Variants in AMT observed in about 807,000 individuals in gnomAD.
AMT encodes aminomethyltransferase.
Under a neutral mutation model 39.5 loss-of-function variants are expected in AMT, and 24 were observed. The ratio of observed to expected loss-of-function variants is 0.61; its 90% CI spans 0.44 to 0.86. The LOEUF is 0.86. AMT is among the 40% of genes least tolerant of loss of function. The pLI, the probability that AMT is intolerant of heterozygous loss-of-function variation, is 0.00. For missense variants in AMT, 501 were observed against 537.0 expected, an observed-to-expected ratio of 0.93 and a Z score of 0.66; for synonymous variants, 210 against 212.1, an observed-to-expected ratio of 0.99 and a Z score of 0.09.
In AMT at chr3:49,419,154, G is replaced by A. The variant is rs373703503; in HGVS notation, c.697-3C>T. Reference sequence around the variant, plus strand: ...GCCCCCGCTACCGGCACCGAGATCTGTATGAAACACCAGAGGGCAGATGGG... The same window carrying A: ...GCCCCCGCTACCGGCACCGAGATCTATATGAAACACCAGAGGGCAGATGGG... On this transcript the variant is annotated splice_polypyrimidine_tract_variant and splice_region_variant and intron_variant, in intron 6 of 8. Transcript: ENST00000273588. 2.7e-4 allele frequency: 431 copies of A among 1,613,606 alleles called. No homozygotes were observed. Among genetic ancestry groups the A allele is most frequent in the Non-Finnish European group, 2.9e-4 (343 of 1,179,904 alleles).
chr3:49,419,260 C>G lies in AMT; in HGVS notation c.696G>C (p.Glu232Asp), dbSNP rs1352631535. 1.2e-6 allele frequency: 2 copies of G among 1,614,010 alleles called. No homozygotes were observed. Residue 232 changes from glutamate (E) to aspartate (D), a missense_variant and splice_region_variant, in exon 6 of 9, where the codon GAG (glutamate) becomes GAC (aspartate). Coordinates refer to ENST00000273588, the MANE Select transcript of AMT (RefSeq NM_000481.4). ...GCCCCCACACCACTTCTTGACACAC[C>G]TCCACACCATCCTCTCCTGTGTAGC... is the stretch of plus-strand genomic sequence containing the variant. ...RCGYTGEDGVEISVPVAGAVH... is the reference protein window; with the variant it reads ...RCGYTGEDGVDISVPVAGAVH...
chr3:49,419,870 G>T, intron 4 of AMT, 82 bp from the exon 5 acceptor site: 1 of 1,319,712 alleles, frequency 7.6e-7, no homozygotes, highest in Non-Finnish European at 1.1e-6. Flanking sequence ...CTGGACAGTA[G>T]TAGGACAGTG....
intron 7 of AMT, 151 bp downstream of exon 7, chr3:49,418,820 T>C: frequency 2.4e-6 from 2 of 848,376 alleles, no homozygotes; most frequent in Non-Finnish European, 1.9e-6. Flanking sequence ...CTGCAGTTTC[T>C]AATGGGCAAA....
At position 49,422,097 on chromosome 3, in the gene AMT, G is replaced by C; in HGVS notation, c.258+7C>G. 1 of 1,613,464 alleles carries C rather than the reference G, an allele frequency of 6.2e-7. No homozygotes were observed. The highest frequency in any genetic ancestry group is 8.5e-7 in the Non-Finnish European group (1 of 1,180,034). On this transcript the variant is annotated splice_region_variant and intron_variant, in intron 2 of 8. Coordinates refer to ENST00000273588, the MANE Select transcript of AMT (RefSeq NM_000481.4). Reference sequence around the variant, plus strand: ...GATCAGATGGCCAGTGTGCTCCCCTGGCTCACCTGCAGCATATGAGACACG... The same window carrying C: ...GATCAGATGGCCAGTGTGCTCCCCTCGCTCACCTGCAGCATATGAGACACG...
intron 4 of AMT, 43 bp from the exon 5 acceptor site, chr3:49,419,831 G>T (rs908130914): frequency 1.9e-6 from 3 of 1,579,944 alleles, no homozygotes; most frequent in Non-Finnish European, 2.6e-6. Context: ...CACTTACTGA[G>T]CAGCTACCAT....
rs1478651333 is a variant in AMT at position 49,417,037 on chromosome 3, C to A, written c.*503G>T. On this transcript the variant is annotated 3_prime_UTR_variant, in exon 9 of 9. Coordinates refer to ENST00000273588, the MANE Select transcript of AMT (RefSeq NM_000481.4). ...CAAGTTTACACACAGGCATAGCAGCCCTACTGTGAGTCAGCAATCATTCCT... is the reference window on the plus strand; with the variant it reads ...CAAGTTTACACACAGGCATAGCAGCACTACTGTGAGTCAGCAATCATTCCT... The A allele has an allele frequency of 1.7e-6, 1 of 575,246 alleles. No homozygotes were observed. The highest frequency in any genetic ancestry group is 1.5e-5 in the South Asian group (1 of 65,518). The allele number at this position is 575,246 out of a possible 1,614,324, so 35.6% of individuals were successfully genotyped here.
At chr3:49,419,814 C>A (rs2049068481) in intron 4 of AMT, 26 bp from the exon 5 acceptor site, 1 of 1,609,742 alleles carries the variant, frequency 6.2e-7, no homozygotes, top group Non-Finnish European at 8.5e-7. Flanking sequence ...ACAAGAGCAT[C>A]TGGGGCCACT....
At chr3:49,420,374 G>C (rs748325736) in intron 3 of AMT, 32 bp from the exon 4 acceptor site, 2 of 1,613,820 alleles carry the variant, frequency 1.2e-6, no homozygotes, top group East Asian at 2.2e-5. Flanking sequence ...TTGGCTTCCA[G>C]GTCCAGGAGG....
intron 2 of AMT, chr3:49,421,828 A>G (rs1256087430): frequency 5.9e-6 from 4 of 677,294 alleles, no homozygotes; most frequent in African/African-American, 5.3e-5. Context: ...TCAAACCAAC[A>G]TCCAGCCCAA....
chr3:49,419,230 G>C (rs767083373), intron 6 of AMT, 30 bp downstream of exon 6: 9 of 1,613,324 alleles, frequency 5.6e-6, no homozygotes, highest in South Asian at 1.1e-5. Flanking sequence ...CCTGTGCCCT[G>C]TACTGCCCCC....
intron 7 of AMT, 99 bp from the exon 8 acceptor site, chr3:49,418,072 G>T: frequency 6.9e-7 from 1 of 1,456,658 alleles, no homozygotes. Context: ...CTAGCATCAA[G>T]GCCCCTTTGC....
intron 7 of AMT, chr3:49,418,518 T>TTTTTTTTTTA (rs57888775): frequency 7.7e-6 from 1 of 129,854 alleles, no homozygotes; most frequent in Non-Finnish European, 1.6e-5. Context: ...TTTTTTTTTT[T>TTTTTTTTTTA]GAGACGGGGT....
rs1311929741 is a variant in AMT at position 49,417,608 on chromosome 3, G to A, written c.1144C>T (p.Arg382Trp). Residue 382 changes from arginine to tryptophan, a missense_variant, in exon 9 of 9, where the codon CGG becomes TGG. Coordinates refer to ENST00000273588, the MANE Select transcript of AMT (RefSeq NM_000481.4). Reference protein sequence around the residue: ...PGTMLLVEVRRKQQMAVVSKM... With the variant: ...PGTMLLVEVRWKQQMAVVSKM... Reference sequence around the variant, plus strand: ...CTGACTACAGCCATCTGCTGCTTCCGCCGCACCTCTACCAGCAGCATTGTC... The same window carrying A: ...CTGACTACAGCCATCTGCTGCTTCCACCGCACCTCTACCAGCAGCATTGTC... 2.5e-6 allele frequency: 4 copies of A among 1,614,128 alleles called. No individual in the cohort carries two copies. Among genetic ancestry groups the A allele is most frequent in the South Asian group, 1.1e-5 (1 of 91,082 alleles).
rs758737016 is a variant in AMT, at chr3:49,422,278, G to A, written c.91-7C>T. 4.3e-6 allele frequency: 7 copies of A among 1,613,884 alleles called. No homozygotes were observed. The Admixed American group carries it at 1.2e-4, about 27-fold the overall frequency. On this transcript the variant is annotated splice_polypyrimidine_tract_variant and splice_region_variant and intron_variant, in intron 1 of 8. Coordinates refer to ENST00000273588, the MANE Select transcript of AMT (RefSeq NM_000481.4). ...GTGTCCTGCGGAGCACCTCCTGTGG[G>A]CGGCTGGGCTTAGTGCCACCAGGGC...
chr3:49,422,075 C>T, intron 2 of AMT, 29 bp downstream of exon 2: 1 of 1,613,086 alleles, frequency 6.2e-7, no homozygotes, highest in South Asian at 1.1e-5. Context: ...AAGGCCTGAT[C>T]AGATGGCCAG....
intron 2 of AMT, 107 bp downstream of exon 2, chr3:49,421,997 G>A: frequency 6.6e-7 from 1 of 1,517,808 alleles, no homozygotes; most frequent in East Asian, 2.3e-5. Flanking sequence ...GCTCTTCTGA[G>A]AAGGCTGTCC....
chr3:49,421,570 G>A lies in AMT; in HGVS notation c.261C>T (p.Thr87=). ...SLFDVSHMLQ[T]KILGSDRVKL... ...TCACCCGGTCACTACCAAGTATCTT[G>A]GTCTGGGGAAGAGATTGAAAGCCTC... is the stretch of plus-strand genomic sequence containing the variant. Residue 87 remains threonine (T), a splice_region_variant and synonymous_variant, in exon 3 of 9, where the codon ACC becomes ACT. Coordinates refer to ENST00000273588, the MANE Select transcript of AMT (RefSeq NM_000481.4). 1 of 1,614,030 alleles carries A rather than the reference G, an allele frequency of 6.2e-7. No individual in the cohort carries two copies. Among genetic ancestry groups the A allele is most frequent in the Non-Finnish European group, 8.5e-7 (1 of 1,179,906 alleles).
chr3:49,417,039 T>A lies in AMT; in HGVS notation c.*501A>T. 3 of 579,780 alleles carry A rather than the reference T, an allele frequency of 5.2e-6. No individual in the cohort carries two copies. The highest frequency in any genetic ancestry group is 3.2e-6 in the Non-Finnish European group (1 of 308,388). 35.9% of individuals were successfully genotyped at this position (579,780 alleles called of 1,614,324 possible). A position where few individuals can be genotyped will look rare whatever the true frequency, so the allele number is the denominator to read the frequency against. Reference sequence around the variant, plus strand: ...AGTTTACACACAGGCATAGCAGCCCTACTGTGAGTCAGCAATCATTCCTGA... The same window carrying A: ...AGTTTACACACAGGCATAGCAGCCCAACTGTGAGTCAGCAATCATTCCTGA... On this transcript the variant is annotated 3_prime_UTR_variant, in exon 9 of 9. Transcript: ENST00000273588.
At position 49,417,265 on chromosome 3, in the gene AMT, C is replaced by T. The variant is rs149073687; in HGVS notation, c.*275G>A. The stretch of plus-strand genomic sequence containing the variant: ...GGGAGAGATGGCAGAACCAAAGCTT[C>T]TCATTACCCTCCAGCAGGCAAGAGT... On this transcript the variant is annotated 3_prime_UTR_variant, in exon 9 of 9. Transcript: ENST00000273588. The T allele has an allele frequency of 3.2e-4, 516 of 1,596,838 alleles. 1 individual carries two copies. The African/African-American group carries it at 5.5e-3, about 17-fold the overall frequency.
Sources: gnomAD v4.1 joint callset for allele counts on GRCh38, gnomAD v4.1.1 for gene constraint, MANE v1.5 for transcripts, NCBI Gene and HGNC (gene_info 2026-07-23, HGNC 2026-07-21) for gene names.